Variants in ACKR2 observed in about 807,000 individuals in gnomAD.
ACKR2 encodes the protein atypical chemokine receptor 2, also known as C-C chemokine receptor D6.
For missense variants in ACKR2, 457 were observed against 477.3 expected, an observed-to-expected ratio of 0.96 and a Z score of 0.40; for synonymous variants, 207 against 192.2, an observed-to-expected ratio of 1.08 and a Z score of -0.64.
intron 2 of ACKR2, chr3:42,856,299 G>A (rs12493777): frequency 1.9e-4 from 134 of 689,834 alleles, no homozygotes; most frequent in Non-Finnish European, 3.2e-4. Flanking sequence ...AGATGCCATC[G>A]GATAGGAGCC....
intron 2 of ACKR2, among the ~76,000 whole-genome samples, chr3:42,823,078 C>A (rs1365840147): frequency 1.3e-5 from 2 of 152,142 alleles, no homozygotes; most frequent in Admixed American, 1.3e-4. Flanking sequence ...AGGCTAAGCC[C>A]CATTATTCCA....
chr3:42,825,056 A>G (rs981277272), intron 2 of ACKR2, among the ~76,000 whole-genome samples: 2 of 152,170 alleles, frequency 1.3e-5, no homozygotes, highest in African/African-American at 2.4e-5. Flanking sequence ...TCTCAGTTCT[A>G]TTCGATTGAT....
chr3:42,820,582 G>T (rs1700799153), intron 2 of ACKR2, among the ~76,000 whole-genome samples: 1 of 138,976 alleles, frequency 7.2e-6, no homozygotes, highest in African/African-American at 2.7e-5. Context: ...AACAGAGCAA[G>T]ACTCTGTCTC....
At chr3:42,855,117 A>C (rs990389011) in intron 2 of ACKR2, among the ~76,000 whole-genome samples, 1 of 152,122 alleles carries the variant, frequency 6.6e-6, no homozygotes, top group Non-Finnish European at 1.5e-5. Context: ...TTGGCCTCCC[A>C]AAGTGCTGGA....
chr3:42,864,720 G>A lies in ACKR2; in HGVS notation c.218G>A (p.Arg73His), dbSNP rs772013246. ...GNLLLLMVLLRYVPRRRMVEI... is the reference protein window; with the variant it reads ...GNLLLLMVLLHYVPRRRMVEI... ...CTCCTTCTTCTCATGGTCTTGCTCC[G>A]TTACGTGCCTCGCAGGCGGATGGTT... The change falls in exon 3 of 3, where the codon CGT becomes CAT. Residue 73 changes from arginine to histidine, a missense_variant. By Grantham distance (29) the Arg-to-His change is conservative. Transcript: ENST00000422265. 5.6e-6 allele frequency: 9 copies of A among 1,614,062 alleles called. No homozygotes were observed. The highest frequency in any genetic ancestry group is 1.7e-5 in the Admixed American group (1 of 60,000).
At chr3:42,861,322 G>A (rs999835305) in intron 2 of ACKR2, among the ~76,000 whole-genome samples, 6 of 152,232 alleles carry the variant, frequency 3.9e-5, no homozygotes, top group South Asian at 2.1e-4. Flanking sequence ...GGAAGAAGTC[G>A]AATCCCTGAA....
intron 2 of ACKR2, among the ~76,000 whole-genome samples, chr3:42,821,542 G>A (rs534456451): frequency 4.6e-5 from 7 of 152,078 alleles, no homozygotes; most frequent in Non-Finnish European, 1.0e-4. Context: ...GGTTCCGTGT[G>A]GTTAGGTAAC....
At chr3:42,821,009 C>G (rs760204389) in intron 2 of ACKR2, among the ~76,000 whole-genome samples, 4 of 151,984 alleles carry the variant, frequency 2.6e-5, no homozygotes, top group African/African-American at 4.8e-5. Context: ...CTCAGCCTCC[C>G]GAGTAGCTGG....
intron 2 of ACKR2, among the ~76,000 whole-genome samples, chr3:42,819,993 A>G (rs952063853): frequency 1.2e-4 from 18 of 152,202 alleles, no homozygotes; most frequent in African/African-American, 3.1e-4. Context: ...GCCACACTCA[A>G]TGGCACTGCA....
chr3:42,825,604 T>TGC (rs1276304033), intron 2 of ACKR2, among the ~76,000 whole-genome samples: 7 of 128,406 alleles, frequency 5.5e-5, no homozygotes, highest in African/African-American at 1.1e-4. Context: ...TGTGTGTGCG[T>TGC]GTGTGTGTGT....
intron 2 of ACKR2, chr3:42,834,688 C>T (rs1700968438): frequency 6.6e-6 from 1 of 152,074 alleles, no homozygotes; most frequent in Admixed American, 6.6e-5. Flanking sequence ...AGTGATTCTT[C>T]TGCCTCAGCC....
At chr3:42,820,724 G>A (rs1282428536) in intron 2 of ACKR2, among the ~76,000 whole-genome samples, 167 of 92,072 alleles carry the variant, frequency 1.8e-3, no homozygotes, top group Non-Finnish European at 3.1e-3. Flanking sequence ...TAAAATAACA[G>A]TAAAAAAAAA....
chr3:42,816,976 C>A (rs1303255533), intron 1 of ACKR2, among the ~76,000 whole-genome samples: 3 of 152,112 alleles, frequency 2.0e-5, no homozygotes, highest in South Asian at 2.1e-4. Flanking sequence ...TGCTACCAGG[C>A]CTGAAGTCAA....
In ACKR2 at chr3:42,830,084, G is replaced by A. The variant is rs562765687; in HGVS notation, c.-38+10373G>A. ...CTCTTTCAAATACCCCTTATAACAG[G>A]GTTCATATTTCTCTTCCTGAATGTT... On this transcript the variant is annotated intron_variant, in intron 2 of 2. Coordinates refer to ENST00000422265, the MANE Select transcript of ACKR2 (RefSeq NM_001296.5). 5.3e-5 allele frequency among the ~76,000 whole-genome samples: 8 copies of A among 152,106 alleles called. No homozygotes were observed. In the East Asian group the frequency reaches 1.5e-3, roughly 29 times the overall value.
At chr3:42,812,092 T>C (rs751502281) in intron 1 of ACKR2, among the ~76,000 whole-genome samples, 18 of 152,182 alleles carry the variant, frequency 1.2e-4, no homozygotes, top group South Asian at 6.2e-4. Flanking sequence ...CACTGTTCTT[T>C]CTCTATACTT....
At chr3:42,821,218 G>C (rs35367066) in intron 2 of ACKR2, among the ~76,000 whole-genome samples, 1 of 152,034 alleles carries the variant, frequency 6.6e-6, no homozygotes, top group African/African-American at 2.4e-5. Context: ...GACCTGTTAC[G>C]ATTTCTGGCT....
chr3:42,838,929 G>A (rs980198263), intron 2 of ACKR2, among the ~76,000 whole-genome samples: 5 of 152,148 alleles, frequency 3.3e-5, no homozygotes, highest in African/African-American at 4.8e-5. Context: ...AAACGTCCTC[G>A]AAACATACCC....
chr3:42,821,218 G>A (rs35367066), intron 2 of ACKR2, among the ~76,000 whole-genome samples: 32,362 of 152,116 alleles, frequency 0.21, 4,363 homozygotes, highest in Non-Finnish European at 0.31. Context: ...GACCTGTTAC[G>A]ATTTCTGGCT....
chr3:42,839,193 C>G (rs1433266047), intron 2 of ACKR2: 1 of 152,072 alleles, frequency 6.6e-6, no homozygotes, highest in Non-Finnish European at 1.5e-5. Context: ...CGCACCTGCC[C>G]TCTGCCCAGC....
Sources: gnomAD v4.1 joint callset for allele counts (sites outside exome capture counted in the v4.1 genomes callset) on GRCh38, gnomAD v4.1.1 for gene constraint, MANE v1.5 for transcripts, NCBI Gene and HGNC (gene_info 2026-07-23, HGNC 2026-07-21) for gene names.